CTF1: variants seen among roughly 807,000 people sequenced by gnomAD.
CTF1 encodes cardiotrophin 1, also known as cardiotrophin-1.
CTF1 carries 9 observed loss-of-function variants against 10.9 expected under a neutral mutation model. The ratio of observed to expected loss-of-function variants is 0.83; its 90% CI spans 0.50 to 1.44. The LOEUF (loss-of-function observed/expected upper bound fraction) is 1.44, where lower values mean the gene tolerates loss of function less well. Among genes scored for constraint, CTF1 ranks in the 40% most tolerant of loss-of-function variants. The pLI, the probability that CTF1 is intolerant of heterozygous loss-of-function variation, is 0.00. For missense variants in CTF1, 259 were observed against 275.3 expected (o/e 0.94, Z 0.42); for synonymous variants, 133 against 138.8 (o/e 0.96, Z 0.29).
chr16:30,899,482 C>T lies in CTF1; in HGVS notation c.93C>T (p.His31=). The change falls in exon 2 of 3, where the codon CAC becomes CAT. Residue 31 remains histidine, a synonymous_variant. Transcript: ENST00000279804. ...TGGAGGCCAAGATCCGTCAGACACA[C>T]AGCCTTGCGCACCTCCTCACCAAAT... The part of the protein sequence containing the change: ...PHLEAKIRQT[H]SLAHLLTKYA... 6.2e-7 allele frequency: 1 copy of T among 1,613,614 alleles called. No homozygotes were observed. Among genetic ancestry groups the T allele is most frequent in the African/African-American group, 1.3e-5 (1 of 74,868 alleles).
intron 2 of CTF1, 28 bp downstream of exon 2, chr16:30,899,561 G>T: frequency 2.8e-6 from 3 of 1,078,712 alleles, no homozygotes; most frequent in Non-Finnish European, 4.2e-6. Flanking sequence ...TGGGGGTGCC[G>T]GGGGCCTGGG....
intron 1 of CTF1, among the ~76,000 whole-genome samples, chr16:30,898,348 G>A (rs62058602): frequency 6.6e-6 from 1 of 151,974 alleles, no homozygotes; most frequent in Non-Finnish European, 1.5e-5. Flanking sequence ...TTTTAGTAGA[G>A]ACAGGGTTTC....
intron 2 of CTF1, among the ~76,000 whole-genome samples, 175 bp from the exon 3 acceptor site, chr16:30,901,903 T>C (rs913073186): frequency 6.6e-6 from 1 of 152,028 alleles, no homozygotes; most frequent in African/African-American, 2.4e-5. Flanking sequence ...AAACAGGCAT[T>C]GGTGTCAAGC....
At position 30,896,686 on chromosome 16, in the gene CTF1, C is replaced by G; in HGVS notation, c.25+18C>G. On this transcript the variant is annotated intron_variant, in intron 1 of 2. Transcript: ENST00000279804. Reference sequence around the variant, plus strand: ...AAGTCTGGGTAAGGGGCTGAGGGACCGGACGCCGGGTCGCTGAGGGGCGCA... The same window carrying G: ...AAGTCTGGGTAAGGGGCTGAGGGACGGGACGCCGGGTCGCTGAGGGGCGCA... 1 of 1,251,964 alleles carries G rather than the reference C, an allele frequency of 8.0e-7. No homozygotes were observed. The highest frequency in any genetic ancestry group is 1.0e-6 in the Non-Finnish European group (1 of 989,730). 77.6% of individuals were successfully genotyped at this position (1,251,964 alleles called of 1,614,324 possible).
chr16:30,899,658 G>T (rs763823085), intron 2 of CTF1, 125 bp downstream of exon 2: 4 of 648,852 alleles, frequency 6.2e-6, no homozygotes, highest in Non-Finnish European at 1.1e-5. Context: ...TCCTGAGAGG[G>T]ACAGCAACTT....
At chr16:30,898,722 C>T (rs2055375381) in intron 1 of CTF1, among the ~76,000 whole-genome samples, 1 of 152,084 alleles carries the variant, frequency 6.6e-6, no homozygotes, top group African/African-American at 2.4e-5. Flanking sequence ...CAGTGGCACA[C>T]TCACAGCTCA....
intron 2 of CTF1, among the ~76,000 whole-genome samples, chr16:30,901,872 G>A (rs772952016): frequency 6.6e-6 from 1 of 151,536 alleles, no homozygotes; most frequent in Non-Finnish European, 1.5e-5. Flanking sequence ...GGCCCAGTCT[G>A]GGTCCAGTTT....
chr16:30,897,269 G>A (rs1020064376), intron 1 of CTF1, among the ~76,000 whole-genome samples: 4 of 152,180 alleles, frequency 2.6e-5, no homozygotes, highest in East Asian at 1.9e-4. Flanking sequence ...CCAGGCCAGC[G>A]CCTTGCATGG....
intron 2 of CTF1, among the ~76,000 whole-genome samples, chr16:30,900,876 C>T (rs2055394969): frequency 6.6e-6 from 1 of 152,050 alleles, no homozygotes; most frequent in South Asian, 2.1e-4. Context: ...ACTATAGTCA[C>T]TGTATCTCCA....
At chr16:30,898,498 G>T (rs1347577932) in intron 1 of CTF1, among the ~76,000 whole-genome samples, 1 of 151,680 alleles carries the variant, frequency 6.6e-6, no homozygotes, top group Non-Finnish European at 1.5e-5. Context: ...TCACCATGTT[G>T]GCCAGGCTGG....
intron 1 of CTF1, among the ~76,000 whole-genome samples, chr16:30,898,269 C>G (rs2055371694): frequency 6.6e-6 from 1 of 151,644 alleles, no homozygotes; most frequent in South Asian, 2.1e-4. Context: ...TCAAGCGATT[C>G]TCATGCCTCA....
chr16:30,899,567 C>A, intron 2 of CTF1, 34 bp downstream of exon 2: 1 of 665,816 alleles, frequency 1.5e-6, no homozygotes, highest in Non-Finnish European at 2.7e-6. Context: ...TGCCGGGGGC[C>A]TGGGGAATGG....
At chr16:30,898,781 C>T (rs1373474460) in intron 1 of CTF1, among the ~76,000 whole-genome samples, 1 of 152,098 alleles carries the variant, frequency 6.6e-6, no homozygotes, top group Non-Finnish European at 1.5e-5. Flanking sequence ...ATCTCAGCCT[C>T]TCAATTAGCT....
In CTF1 at chr16:30,902,482, G is replaced by A; in HGVS notation, c.549G>A (p.Glu183=). The A allele has an allele frequency of 1.4e-6, 2 of 1,480,244 alleles. No homozygotes were observed. The highest frequency in any genetic ancestry group is 1.3e-5 in the South Asian group (1 of 79,560). The allele number at this position is 1,480,244 out of a possible 1,614,324, so 91.7% of individuals were successfully genotyped here. A position where few individuals can be genotyped will look rare whatever the true frequency, so the allele number is the denominator to read the frequency against. The change falls in exon 3 of 3, where the codon GAG becomes GAA. Residue 183 remains glutamate, a synonymous_variant. Coordinates refer to ENST00000279804, the MANE Select transcript of CTF1 (RefSeq NM_001330.5). ...LGLRVCGLYR[E]WLSRTEGDLG... ...TCCGCGTTTGCGGCCTCTACCGCGA[G>A]TGGCTGAGCCGCACCGAGGGCGACC...
At position 30,896,687 on chromosome 16, in the gene CTF1, G is replaced by T. The variant is rs1313195175; in HGVS notation, c.25+19G>T. On this transcript the variant is annotated intron_variant, in intron 1 of 2. Coordinates refer to ENST00000279804, the MANE Select transcript of CTF1 (RefSeq NM_001330.5). ...AGTCTGGGTAAGGGGCTGAGGGACC[G>T]GACGCCGGGTCGCTGAGGGGCGCAG... The T allele has an allele frequency of 4.0e-6, 5 of 1,251,952 alleles. No homozygotes were observed. The Admixed American group carries it at 1.3e-4, about 32-fold the overall frequency. 77.6% of individuals were successfully genotyped at this position (1,251,952 alleles called of 1,614,324 possible). A position where few individuals can be genotyped will look rare whatever the true frequency, so the allele number is the denominator to read the frequency against.
rs776753331 is a variant in CTF1, at chr16:30,902,529, G to A, written c.596G>A (p.Gly199Asp). 9.1e-5 allele frequency: 136 copies of A among 1,497,682 alleles called. No homozygotes were observed. In the South Asian group the frequency reaches 1.5e-3, roughly 16 times the overall value. The allele number at this position is 1,497,682 out of a possible 1,614,324, so 92.8% of individuals were successfully genotyped here. ...EGDLGQLLPGGSA is the reference protein window; with the variant it reads ...EGDLGQLLPGDSA ...GACCTGGGCCAGCTGCTGCCCGGGGGCTCGGCCTGAGCGCCGCGGGGCAGC... is the reference window on the plus strand; with the variant it reads ...GACCTGGGCCAGCTGCTGCCCGGGGACTCGGCCTGAGCGCCGCGGGGCAGC... Residue 199 changes from glycine (G) to aspartate (D), a missense_variant, in exon 3 of 3, where the codon GGC becomes GAC. Physicochemically the swap from Gly to Asp is moderately conservative, Grantham distance 94. Coordinates refer to ENST00000279804, the MANE Select transcript of CTF1 (RefSeq NM_001330.5).
At chr16:30,900,794 C>T (rs749214185) in intron 2 of CTF1, among the ~76,000 whole-genome samples, 32 of 152,066 alleles carry the variant, frequency 2.1e-4, no homozygotes, top group Non-Finnish European at 4.3e-4. Flanking sequence ...TTAAAACAAA[C>T]AAAGAAAACT....
intron 2 of CTF1, among the ~76,000 whole-genome samples, chr16:30,901,702 C>T (rs1219998234): frequency 6.6e-6 from 1 of 150,802 alleles, no homozygotes; most frequent in Non-Finnish European, 1.5e-5. Flanking sequence ...CCTCAGCCTC[C>T]GGAACAGCTG....
chr16:30,902,669 T>G lies in CTF1; in HGVS notation c.*130T>G. 1 of 1,284,006 alleles carries G rather than the reference T, an allele frequency of 7.8e-7. No homozygotes were observed. The allele number at this position is 1,284,006 out of a possible 1,614,324, so 79.5% of individuals were successfully genotyped here. On this transcript the variant is annotated 3_prime_UTR_variant, in exon 3 of 3. Transcript: ENST00000279804. Reference sequence around the variant, plus strand: ...CTGTCTCCATTGCCTCGGCCTTCTTTGCTTTTTGTGGGGGAGAGGGGAGGG... The same window carrying G: ...CTGTCTCCATTGCCTCGGCCTTCTTGGCTTTTTGTGGGGGAGAGGGGAGGG...
Sources: allele counts gnomAD v4.1 joint callset (sites outside exome capture counted in the v4.1 genomes callset), GRCh38; gene constraint gnomAD v4.1.1; transcripts MANE v1.5; gene names NCBI Gene and HGNC (gene_info 2026-07-23, HGNC 2026-07-21).